Variants in ABLIM2 observed in about 807,000 individuals in gnomAD.
ABLIM2 encodes the protein actin binding LIM protein family member 2.
ABLIM2 carries 53 observed loss-of-function variants against 97.7 expected under a neutral mutation model. The observed-to-expected ratio is 0.54, with a 90% CI of 0.44 to 0.68. ABLIM2 has a LOEUF of 0.68. Among genes scored for constraint, ABLIM2 ranks in the 30% least tolerant of loss-of-function variants. The pLI is 0.00. For synonymous variants in ABLIM2, 361 were observed against 345.8 expected (o/e 1.04, Z -0.49); for missense variants, 835 against 867.2 (o/e 0.96, Z 0.47).
chr4:8,008,450 G>A (rs867519998), intron 15 of ABLIM2, among the ~76,000 whole-genome samples: 2 of 152,230 alleles, frequency 1.3e-5, no homozygotes, highest in South Asian at 2.1e-4. Context: ...CACAGCCACT[G>A]AGGCTCTGGG....
chr4:8,051,896 A>C (rs1579874988), intron 8 of ABLIM2, among the ~76,000 whole-genome samples: 1 of 152,152 alleles, frequency 6.6e-6, no homozygotes, highest in Non-Finnish European at 1.5e-5. Flanking sequence ...TGGTCAAACC[A>C]ATCGCCTAAG....
chr4:8,026,064 G>A (rs573952561), intron 12 of ABLIM2, among the ~76,000 whole-genome samples: 3 of 152,314 alleles, frequency 2.0e-5, no homozygotes, highest in South Asian at 4.1e-4. Context: ...CTGGAGTGCA[G>A]TGGCACAATC....
chr4:8,052,737 G>C (rs955596473), intron 8 of ABLIM2, among the ~76,000 whole-genome samples: 1 of 152,234 alleles, frequency 6.6e-6, no homozygotes, highest in African/African-American at 2.4e-5. Context: ...TCGCTCAGAC[G>C]GGCCTGCATC....
At chr4:8,102,034 C>G (rs758920247) in intron 2 of ABLIM2, among the ~76,000 whole-genome samples, 1 of 152,210 alleles carries the variant, frequency 6.6e-6, no homozygotes, top group Non-Finnish European at 1.5e-5. Context: ...CCCTGGCCTC[C>G]CTGCACAAGC....
chr4:8,078,287 C>T (rs1039100822), intron 5 of ABLIM2, among the ~76,000 whole-genome samples: 3 of 152,222 alleles, frequency 2.0e-5, no homozygotes, highest in African/African-American at 7.2e-5. Flanking sequence ...CCTGGCCTTC[C>T]GCAGTGCAGG....
intron 1 of ABLIM2, among the ~76,000 whole-genome samples, chr4:8,117,562 A>AC (rs1169702025): frequency 6.7e-6 from 1 of 149,580 alleles, no homozygotes; most frequent in African/African-American, 2.5e-5. Flanking sequence ...CAGAGGCTCC[A>AC]CCCCCAGCAG....
chr4:8,091,844 A>ATACAATATG (rs1828882409), intron 3 of ABLIM2, among the ~76,000 whole-genome samples: 1 of 108,752 alleles, frequency 9.2e-6, no homozygotes, highest in East Asian at 2.4e-4. Flanking sequence ...AATATAATAT[A>ATACAATATG]TTATTTATAC....
chr4:7,988,430 G>A (rs772899738), intron 17 of ABLIM2, among the ~76,000 whole-genome samples: 1 of 152,226 alleles, frequency 6.6e-6, no homozygotes, highest in Non-Finnish European at 1.5e-5. Context: ...GCCTTAGAGA[G>A]ATTAAATAAC....
intron 16 of ABLIM2, chr4:8,007,841 C>T: frequency 7.4e-6 from 10 of 1,353,994 alleles, no homozygotes; most frequent in Non-Finnish European, 9.5e-6. Context: ...CAGGCGTGGC[C>T]CTCGTTAGCA....
At position 7,991,687 on chromosome 4, in the gene ABLIM2, G is replaced by A. The variant is rs1217056631; in HGVS notation, c.1680+1179C>T. On this transcript the variant is annotated intron_variant, in intron 17 of 20. Transcript: ENST00000447017. ...CCCAGTTAGGCCCATTCCAGAATGG[G>A]AAGAGCAGTTCGTGGGGTGAGGGGT... is the stretch of plus-strand genomic sequence containing the variant. Among the ~76,000 whole-genome samples the A allele has an allele frequency of 5.3e-5, 8 of 152,228 alleles. No homozygotes were observed. The South Asian group carries it at 1.4e-3, about 28-fold the overall frequency.
intron 1 of ABLIM2, among the ~76,000 whole-genome samples, chr4:8,146,124 C>A (rs546196669): frequency 1.4e-4 from 22 of 152,318 alleles, no homozygotes; most frequent in African/African-American, 5.3e-4. Context: ...TCTTCGTCTA[C>A]CACCAGCCTT....
intron 1 of ABLIM2, among the ~76,000 whole-genome samples, chr4:8,153,826 T>C (rs2152961916): frequency 6.6e-6 from 1 of 152,328 alleles, no homozygotes; most frequent in Admixed American, 6.5e-5. Flanking sequence ...ACGGAAAACT[T>C]TGTTCCTTCT....
chr4:8,065,949 T>G (rs1580315822), intron 6 of ABLIM2, among the ~76,000 whole-genome samples: 5 of 102,308 alleles, frequency 4.9e-5, no homozygotes, highest in East Asian at 3.4e-4. Flanking sequence ...AAGAAGGGAA[T>G]GGAAGGGAAG....
Position 8,043,708 on chromosome 4 carries a change from A to AT in ABLIM2, c.900+1455dup, listed in dbSNP as rs1172105031. On this transcript the variant is annotated intron_variant, in intron 9 of 20. Coordinates refer to ENST00000447017, the MANE Select transcript of ABLIM2 (RefSeq NM_001130083.2). The surrounding 1 kb of genome is among the most constrained non-coding windows in gnomAD (Gnocchi z 4.8). Reference sequence around the variant, plus strand: ...TTCCAGGCTCTGGAACTTTGAGACAATTTATTTCTGTTGTTCAAGCCCCCA... The same window carrying AT: ...TTCCAGGCTCTGGAACTTTGAGACAATTTTATTTCTGTTGTTCAAGCCCCCA... Among the ~76,000 whole-genome samples the AT allele has an allele frequency of 4.6e-5, 7 of 152,072 alleles. No homozygotes were observed. The highest frequency in any genetic ancestry group is 3.9e-4 in the Admixed American group (6 of 15,264).
intron 10 of ABLIM2, 60 bp downstream of exon 10, chr4:8,036,089 G>A: frequency 1.3e-6 from 2 of 1,590,450 alleles, no homozygotes; most frequent in Non-Finnish European, 8.6e-7. Context: ...GATGACGCCT[G>A]TCCTGCAGGG....
rs746864106 is a variant in ABLIM2 at position 7,967,043 on chromosome 4, G to A, written c.1885C>T (p.Arg629Cys). 1.1e-5 allele frequency: 17 copies of A among 1,613,866 alleles called. No individual in the cohort carries two copies. The highest frequency in any genetic ancestry group is 8.3e-5 in the Admixed American group (5 of 60,014). The change falls in exon 21 of 21, where the codon CGC becomes TGC. Residue 629 changes from arginine (R) to cysteine (C), a missense_variant. Coordinates refer to ENST00000447017, the MANE Select transcript of ABLIM2 (RefSeq NM_001130083.2). Reference protein sequence around the residue: ...VFGMSIEEFDRLALWKRNDLK... With the variant: ...VFGMSIEEFDCLALWKRNDLK... Reference sequence around the variant, plus strand: ...TCATTCCTCTTCCAGAGGGCCAGGCGGTCAAACTCCTCGATGCTCATCCCA... The same window carrying A: ...TCATTCCTCTTCCAGAGGGCCAGGCAGTCAAACTCCTCGATGCTCATCCCA...
intron 8 of ABLIM2, among the ~76,000 whole-genome samples, chr4:8,051,433 T>C (rs1315316437): frequency 6.6e-6 from 1 of 151,494 alleles, no homozygotes; most frequent in Non-Finnish European, 1.5e-5. Flanking sequence ...GGTGCGTGGC[T>C]GTAGTCCCAG....
At chr4:8,084,360 A>G (rs952385498) in intron 4 of ABLIM2, among the ~76,000 whole-genome samples, 7 of 152,050 alleles carry the variant, frequency 4.6e-5, no homozygotes, top group African/African-American at 1.7e-4. Flanking sequence ...GCCCGGGAGC[A>G]GTGGGAGCTC....
chr4:8,077,362 A>G (rs1423383337), intron 6 of ABLIM2, among the ~76,000 whole-genome samples: 1 of 152,160 alleles, frequency 6.6e-6, no homozygotes, highest in Non-Finnish European at 1.5e-5. Flanking sequence ...CTGGGCCAAA[A>G]CATCTCAAGG....
Sources: allele counts gnomAD v4.1 joint callset (sites outside exome capture counted in the v4.1 genomes callset), GRCh38; gene constraint gnomAD v4.1.1; non-coding constraint Gnocchi (gnomAD v3.1); transcripts MANE v1.5; gene names NCBI Gene and HGNC (gene_info 2026-07-23, HGNC 2026-07-21).